DLGAP2: variants seen among roughly 807,000 people sequenced by gnomAD.
DLGAP2 encodes disks large-associated protein 2.
Under a neutral mutation model 100.3 loss-of-function variants are expected in DLGAP2, and 26 were observed. The ratio of observed to expected loss-of-function variants is 0.26; its 90% confidence interval spans 0.19 to 0.36. The LOEUF is 0.36. Among genes scored for constraint, DLGAP2 ranks in the 10% least tolerant of loss-of-function variants. DLGAP2 has a pLI of 1.00. For synonymous variants in DLGAP2, 886 were observed against 630.1 expected (o/e 1.41, Z -6.08); for missense variants, 1,858 against 1,453.2 (o/e 1.28, Z -4.53).
At chr8:1,511,352 G>A (rs890379265) in intron 4 of DLGAP2, among the ~76,000 whole-genome samples, 1 of 147,752 alleles carries the variant, frequency 6.8e-6, no homozygotes, top group African/African-American at 2.5e-5. Flanking sequence ...TTCCATGGAC[G>A]TAAGGGCTGT....
At chr8:987,022 A>G (rs1195264703) in intron 2 of DLGAP2, among the ~76,000 whole-genome samples, 1 of 152,128 alleles carries the variant, frequency 6.6e-6, no homozygotes, top group Non-Finnish European at 1.5e-5. Flanking sequence ...AGGAAGTAAA[A>G]ATCATGGAGC....
chr8:1,291,493 A>G (rs902616343), intron 3 of DLGAP2, among the ~76,000 whole-genome samples: 4 of 152,298 alleles, frequency 2.6e-5, no homozygotes, highest in East Asian at 3.9e-4. Context: ...CTTCAGTGCC[A>G]TATTTCCCGT....
chr8:819,938 C>T (rs1006372572), intron 1 of DLGAP2, among the ~76,000 whole-genome samples: 7 of 152,008 alleles, frequency 4.6e-5, no homozygotes, highest in South Asian at 2.1e-4. Context: ...GAGTGGATTA[C>T]GTGGTAATGA....
chr8:835,224 T>C (rs1199683793), intron 1 of DLGAP2, among the ~76,000 whole-genome samples: 3 of 152,178 alleles, frequency 2.0e-5, no homozygotes, highest in Non-Finnish European at 4.4e-5. Context: ...ATTTGAAATA[T>C]TGCCTGCCAT....
chr8:1,158,319 G>T (rs978005468), intron 2 of DLGAP2, among the ~76,000 whole-genome samples: 1 of 152,200 alleles, frequency 6.6e-6, no homozygotes, highest in Non-Finnish European at 1.5e-5. Flanking sequence ...GTGCGTACAT[G>T]TATCTGTGTG....
At chr8:1,547,841 G>T (rs1801595613) in intron 4 of DLGAP2, among the ~76,000 whole-genome samples, 1 of 152,200 alleles carries the variant, frequency 6.6e-6, no homozygotes, top group Non-Finnish European at 1.5e-5. Flanking sequence ...CCTCGAGAAA[G>T]CTCCTCCCAT....
intron 3 of DLGAP2, among the ~76,000 whole-genome samples, chr8:1,374,571 C>G (rs1248689532): frequency 6.6e-6 from 1 of 152,154 alleles, no homozygotes; most frequent in Non-Finnish European, 1.5e-5. Context: ...TTATGATTCT[C>G]TGAAAATTAA....
chr8:1,658,895 C>T (rs1033582732), intron 8 of DLGAP2, among the ~76,000 whole-genome samples: 1 of 152,060 alleles, frequency 6.6e-6, no homozygotes, highest in African/African-American at 2.4e-5. Context: ...TTTGATCTTG[C>T]TACTCTAGTT....
At chr8:1,230,958 A>G (rs528721387) in intron 2 of DLGAP2, among the ~76,000 whole-genome samples, 1 of 152,328 alleles carries the variant, frequency 6.6e-6, no homozygotes, top group South Asian at 2.1e-4. Context: ...GAAAGGATTT[A>G]TGACTTAAGT....
chr8:1,328,261 C>G (rs1330376675), intron 3 of DLGAP2, among the ~76,000 whole-genome samples: 2 of 149,590 alleles, frequency 1.3e-5, no homozygotes, highest in East Asian at 2.0e-4. Flanking sequence ...AGGCTGGTCT[C>G]AAACTCCTGA....
chr8:857,176 A>G lies in DLGAP2; in HGVS notation c.19-50736A>G, dbSNP rs560190142. 2.6e-5 allele frequency among the ~76,000 whole-genome samples: 4 copies of G among 152,350 alleles called. No individual in the cohort carries two copies. The East Asian group carries it at 5.8e-4, about 22-fold the overall frequency. On this transcript the variant is annotated intron_variant, in intron 1 of 14. Transcript: ENST00000637795. ...CAATGGGACCTCCATGTGCAACAAA[A>G]TGAACCCAGAACCAGACCTTACACC...
At chr8:1,595,187 C>T (rs7460784) in intron 6 of DLGAP2, among the ~76,000 whole-genome samples, 43,661 of 151,972 alleles carry the variant, frequency 0.29, 6,907 homozygotes, top group East Asian at 0.5. Context: ...ATTACAGGCA[C>T]CTGCCATCAC....
chr8:865,181 G>C (rs1054069827), intron 1 of DLGAP2, among the ~76,000 whole-genome samples: 3 of 152,186 alleles, frequency 2.0e-5, no homozygotes, highest in Admixed American at 6.5e-5. Flanking sequence ...GGGTGCCCTC[G>C]CTGGACACGC....
chr8:892,300 G>A (rs1798051679), intron 1 of DLGAP2, among the ~76,000 whole-genome samples: 2 of 152,286 alleles, frequency 1.3e-5, no homozygotes, highest in South Asian at 4.1e-4. Context: ...AGCAGCTAGC[G>A]TGTCCGTCCA....
At chr8:915,374 G>C (rs4735957) in intron 2 of DLGAP2, among the ~76,000 whole-genome samples, 89,323 of 151,958 alleles carry the variant, frequency 0.59, 26,393 homozygotes, top group Admixed American at 0.66. Flanking sequence ...GGTGAAACCC[G>C]GTCTCTACTA....
intron 2 of DLGAP2, chr8:1,019,302 G>C (rs997858492): frequency 1.3e-5 from 2 of 152,044 alleles, no homozygotes; most frequent in Non-Finnish European, 2.9e-5. Flanking sequence ...TCTCTGTGGT[G>C]GTTTTTCATC....
At chr8:795,955 G>GTGT (rs1796023281) in intron 1 of DLGAP2, among the ~76,000 whole-genome samples, 1 of 136,960 alleles carries the variant, frequency 7.3e-6, no homozygotes, top group Non-Finnish European at 1.6e-5. Flanking sequence ...GTGAGAGCAG[G>GTGT]CGTCCAGTGA....
chr8:982,244 C>G (rs141996027), intron 2 of DLGAP2, among the ~76,000 whole-genome samples: 6 of 152,360 alleles, frequency 3.9e-5, no homozygotes, highest in African/African-American at 1.4e-4. Flanking sequence ...GGTGACCGTG[C>G]AAGACCCGTT....
intron 2 of DLGAP2, among the ~76,000 whole-genome samples, chr8:908,958 C>G (rs1312634409): frequency 6.6e-6 from 1 of 151,360 alleles, no homozygotes; most frequent in Non-Finnish European, 1.5e-5. Flanking sequence ...TGACTCACCA[C>G]TAAGAATGAT....
Sources: allele counts gnomAD v4.1 joint callset (sites outside exome capture counted in the v4.1 genomes callset), GRCh38; gene constraint gnomAD v4.1.1; transcripts MANE v1.5; gene names NCBI Gene and HGNC (gene_info 2026-07-23, HGNC 2026-07-21).